ACTR3C: variants seen among roughly 807,000 people sequenced by gnomAD.
ACTR3C encodes the protein actin related protein 3C.
In ACTR3C, 18 loss-of-function variants were observed where a neutral mutation model predicts 26.3. The ratio of observed to expected loss-of-function variants is 0.68; its 90% CI spans 0.47 to 1.01. The LOEUF is 1.01. Ranked by LOEUF, ACTR3C falls within the 50% of genes least tolerant of loss-of-function variation. ACTR3C has a pLI of 0.00. For synonymous variants in ACTR3C, 55 were observed against 94.5 expected, an observed-to-expected ratio of 0.58 and a Z score of 2.42; for missense variants, 184 against 250.7, an observed-to-expected ratio of 0.73 and a Z score of 1.80.
chr7:149,915,072 G>C, the ACTR3C span, among the ~76,000 whole-genome samples: 2 of 152,038 alleles, frequency 1.3e-5, no homozygotes, highest in East Asian at 3.9e-4. Flanking sequence ...TAAAAACGGG[G>C]TTTCACCATG....
the ACTR3C span, among the ~76,000 whole-genome samples, chr7:150,068,651 C>T: frequency 1.1e-4 from 17 of 149,878 alleles, no homozygotes; most frequent in Admixed American, 6.6e-4. Context: ...GGTGTGGTGG[C>T]GGGCACCTGT....
At chr7:149,902,598 GA>G in the ACTR3C span, among the ~76,000 whole-genome samples, 2 of 101,830 alleles carry the variant, frequency 2.0e-5, no homozygotes, top group Admixed American at 2.5e-4. Flanking sequence ...TCTACAAGAA[GA>G]AAAAAAAGAA....
At chr7:150,102,340 A>G in the ACTR3C span, among the ~76,000 whole-genome samples, 5 of 151,926 alleles carry the variant, frequency 3.3e-5, no homozygotes, top group Non-Finnish European at 7.4e-5. Context: ...TTATTCGATT[A>G]CTGCATTCTT....
the ACTR3C span, among the ~76,000 whole-genome samples, chr7:150,183,274 T>C: frequency 1.4e-5 from 2 of 145,964 alleles, no homozygotes; most frequent in African/African-American, 5.6e-5. Flanking sequence ...ACACACACAT[T>C]ATGGATTCTT....
chr7:150,076,784 C>T, the ACTR3C span: 1 of 150,700 alleles, frequency 6.6e-6, no homozygotes, highest in Admixed American at 6.6e-5. Context: ...TCTTTCCTAA[C>T]TATTTTCTCA....
chr7:150,028,430 T>C, the ACTR3C span, among the ~76,000 whole-genome samples: 4 of 152,290 alleles, frequency 2.6e-5, no homozygotes, highest in Non-Finnish European at 4.4e-5. Flanking sequence ...AATTTGACAA[T>C]TCTCATAGGT....
At chr7:150,088,787 G>A in the ACTR3C span, among the ~76,000 whole-genome samples, 1 of 152,108 alleles carries the variant, frequency 6.6e-6, no homozygotes, top group Non-Finnish European at 1.5e-5. Flanking sequence ...ACGATAGTAG[G>A]AATGTTTGCA....
chr7:150,013,444 T>G, the ACTR3C span, among the ~76,000 whole-genome samples: 49,096 of 151,924 alleles, frequency 0.32, 7,675 homozygotes, highest in Non-Finnish European at 0.4. Flanking sequence ...TTCCCACACT[T>G]CCTCTCAATA....
the ACTR3C span, among the ~76,000 whole-genome samples, chr7:149,929,447 A>C: frequency 6.6e-6 from 1 of 150,980 alleles, no homozygotes; most frequent in East Asian, 1.9e-4. Context: ...AAAAAAAAAA[A>C]AAGAGTCACC....
At chr7:150,150,922 T>C in the ACTR3C span, among the ~76,000 whole-genome samples, 45 of 138,282 alleles carry the variant, frequency 3.3e-4, 10 homozygotes, top group Non-Finnish European at 6.4e-4. Flanking sequence ...TGCCTGATTT[T>C]TGTAATTTGT....
At chr7:149,990,439 C>A in the ACTR3C span, among the ~76,000 whole-genome samples, 1 of 125,264 alleles carries the variant, frequency 8.0e-6, no homozygotes, top group African/African-American at 3.1e-5. Context: ...AGCCTTTTCA[C>A]CAGAATGTCA....
At chr7:150,124,312 T>G in the ACTR3C span, among the ~76,000 whole-genome samples, 1 of 152,174 alleles carries the variant, frequency 6.6e-6, no homozygotes, top group Non-Finnish European at 1.5e-5. Context: ...AACGTACGAG[T>G]GCAGTTTTAG....
the ACTR3C span, among the ~76,000 whole-genome samples, chr7:150,053,845 G>A: frequency 6.6e-6 from 1 of 152,218 alleles, no homozygotes; most frequent in East Asian, 1.9e-4. Flanking sequence ...GGGGTATAGT[G>A]TATTTCTAAA....
At chr7:150,279,959 GTA>G (rs1835185174) in intron 6 of ACTR3C, among the ~76,000 whole-genome samples, 1 of 152,152 alleles carries the variant, frequency 6.6e-6, no homozygotes, top group African/African-American at 2.4e-5. Flanking sequence ...CTTGTACCTA[GTA>G]GGTACTCAAG....
the ACTR3C span, among the ~76,000 whole-genome samples, chr7:150,039,360 TCC>T: frequency 1.1e-5 from 1 of 92,246 alleles, no homozygotes; most frequent in Non-Finnish European, 2.5e-5. Context: ...TGGGGTTGCC[TCC>T]CCCTCCTGCG....
At chr7:150,171,872 C>T in the ACTR3C span, among the ~76,000 whole-genome samples, 6 of 150,686 alleles carry the variant, frequency 4.0e-5, no homozygotes, top group Non-Finnish European at 7.3e-5. Flanking sequence ...AGTGCAGTGG[C>T]GCAATCCCGG....
chr7:150,105,861 T>C, the ACTR3C span, among the ~76,000 whole-genome samples: 2 of 152,084 alleles, frequency 1.3e-5, 1 homozygote, highest in South Asian at 4.1e-4. Flanking sequence ...GGACATTTTA[T>C]GAACAGCATA....
chr7:150,058,743 C>T, the ACTR3C span, among the ~76,000 whole-genome samples: 106 of 152,162 alleles, frequency 7.0e-4, no homozygotes, highest in East Asian at 0.015. Flanking sequence ...GGTGAAACCT[C>T]GGCTCTACTA....
chr7:150,287,579 T>G (rs1835891633), intron 4 of ACTR3C, among the ~76,000 whole-genome samples: 1 of 152,222 alleles, frequency 6.6e-6, no homozygotes, highest in African/African-American at 2.4e-5. Flanking sequence ...GCCGCCCAGC[T>G]GGCGCTGAGC....
Sources: gnomAD v4.1 joint callset for allele counts (sites outside exome capture counted in the v4.1 genomes callset) on GRCh38, gnomAD v4.1.1 for gene constraint, MANE v1.5 for transcripts, NCBI Gene and HGNC (gene_info 2026-07-23, HGNC 2026-07-21) for gene names.